Variants in ZBTB20 observed in about 807,000 individuals in gnomAD.
ZBTB20 encodes zinc finger and BTB domain-containing protein 20.
Under a neutral mutation model 56.9 loss-of-function variants are expected in ZBTB20, and 9 were observed. The ratio of observed to expected loss-of-function variants is 0.16; its 90% CI spans 0.10 to 0.28. ZBTB20 has a LOEUF of 0.28. ZBTB20 is among the 10% of genes least tolerant of loss of function. The pLI, the probability that ZBTB20 is intolerant of heterozygous loss-of-function variation, is 1.00. For missense variants in ZBTB20, 655 were observed against 1,003.0 expected (o/e 0.65, Z 4.69); for synonymous variants, 417 against 420.7 (o/e 0.99, Z 0.11).
At chr3:115,130,742 T>C (rs1336414399) in intron 1 of ZBTB20, among the ~76,000 whole-genome samples, 1 of 152,188 alleles carries the variant, frequency 6.6e-6, no homozygotes, top group African/African-American at 2.4e-5. Flanking sequence ...GCCATAATAT[T>C]TTAAATTATT....
chr3:115,113,797 T>C (rs1032376989), intron 1 of ZBTB20, among the ~76,000 whole-genome samples: 6 of 152,308 alleles, frequency 3.9e-5, no homozygotes, highest in South Asian at 2.1e-4. Context: ...ATAATACTTA[T>C]AGGCTCTGGA....
chr3:114,516,451 C>T (rs576842453), intron 6 of ZBTB20, among the ~76,000 whole-genome samples: 10 of 152,178 alleles, frequency 6.6e-5, no homozygotes, highest in South Asian at 6.2e-4. Flanking sequence ...TAAATCTATA[C>T]GTTATTTTGA....
chr3:115,065,679 A>G (rs2082181905), intron 2 of ZBTB20, among the ~76,000 whole-genome samples: 1 of 152,174 alleles, frequency 6.6e-6, no homozygotes, highest in South Asian at 2.1e-4. Flanking sequence ...ATAAAATCAT[A>G]GGGCTCTTAC....
chr3:114,319,650 C>G lies in ZBTB20; in HGVS notation c.*19355G>C, dbSNP rs1382585230. The G allele has an allele frequency of 6.6e-6, 1 of 152,092 alleles. No individual in the cohort carries two copies. Among genetic ancestry groups the G allele is most frequent in the Admixed American group, 6.5e-5 (1 of 15,274 alleles). The allele number at this position is 152,092 out of a possible 1,614,324, so 9.4% of individuals were successfully genotyped here. ...AGAGCTTCTTTAGCATATGCTGATA[C>G]CAATGAGTCACTGACAGTCCCCAGG... On this transcript the variant is annotated 3_prime_UTR_variant, in exon 12 of 12. Transcript: ENST00000675478.
At chr3:114,660,682 C>T (rs767351682) in intron 6 of ZBTB20, among the ~76,000 whole-genome samples, 8 of 152,066 alleles carry the variant, frequency 5.3e-5, no homozygotes, top group Non-Finnish European at 1.2e-4. Flanking sequence ...GGATAACAGC[C>T]TTTCAAAAAC....
rs548699004 is a variant in ZBTB20 at position 115,061,086 on chromosome 3, C to A, written c.-507+10133G>T. Among the ~76,000 whole-genome samples, 7 of 151,988 alleles carry A rather than the reference C, an allele frequency of 4.6e-5. No homozygotes were observed. The South Asian group carries it at 1.5e-3, about 32-fold the overall frequency. On this transcript the variant is annotated intron_variant, in intron 2 of 11. Transcript: ENST00000675478. ...AAGTTTAGACTTTGGAGCAAAAGTCCTTAGGTTTGGATTCCAGTTGTTCTG... is the reference window on the plus strand; with the variant it reads ...AAGTTTAGACTTTGGAGCAAAAGTCATTAGGTTTGGATTCCAGTTGTTCTG...
chr3:114,419,133 T>C (rs1260745194), intron 7 of ZBTB20: 1 of 152,152 alleles, frequency 6.6e-6, no homozygotes, highest in Non-Finnish European at 1.5e-5. Context: ...CATTGTGTAA[T>C]GTTGTCCTCA....
At chr3:114,494,533 C>T (rs1271076491) in intron 7 of ZBTB20, among the ~76,000 whole-genome samples, 2 of 152,202 alleles carry the variant, frequency 1.3e-5, no homozygotes, top group African/African-American at 2.4e-5. Context: ...CCTTATAATT[C>T]CCCATGGAGG....
chr3:114,977,464 T>C (rs1274633487), intron 2 of ZBTB20, among the ~76,000 whole-genome samples: 1 of 152,086 alleles, frequency 6.6e-6, no homozygotes, highest in Non-Finnish European at 1.5e-5. Flanking sequence ...GAGTTAAATA[T>C]AAGTGACAGT....
intron 6 of ZBTB20, among the ~76,000 whole-genome samples, chr3:114,681,197 TA>T (rs1310212455): frequency 1.3e-5 from 2 of 148,796 alleles, no homozygotes; most frequent in East Asian, 4.0e-4. Flanking sequence ...TCTCACTCCG[TA>T]ACCCAGATTG....
At chr3:114,599,606 T>C (rs547608923) in intron 6 of ZBTB20, among the ~76,000 whole-genome samples, 28 of 152,062 alleles carry the variant, frequency 1.8e-4, no homozygotes, top group Non-Finnish European at 3.5e-4. Flanking sequence ...ATAATGACAA[T>C]AATAATTTTT....
At chr3:114,696,641 G>A (rs916599581) in intron 5 of ZBTB20, among the ~76,000 whole-genome samples, 20 of 152,122 alleles carry the variant, frequency 1.3e-4, no homozygotes, top group African/African-American at 4.3e-4. Flanking sequence ...GTTCCCAGAG[G>A]ACACCAGTCA....
At chr3:114,349,322 T>C (rs901536695) in intron 11 of ZBTB20, among the ~76,000 whole-genome samples, 7 of 152,132 alleles carry the variant, frequency 4.6e-5, no homozygotes, top group South Asian at 2.1e-4. Flanking sequence ...TGGAGGCACA[T>C]CCATGGAATG....
intron 6 of ZBTB20, among the ~76,000 whole-genome samples, chr3:114,508,072 T>C (rs770005485): frequency 4.6e-5 from 7 of 152,168 alleles, no homozygotes; most frequent in Non-Finnish European, 8.8e-5. Flanking sequence ...TGAATATGTA[T>C]ATAAACTCAA....
intron 2 of ZBTB20, among the ~76,000 whole-genome samples, chr3:114,994,807 C>T (rs2078959639): frequency 6.6e-6 from 1 of 151,830 alleles, no homozygotes; most frequent in Non-Finnish European, 1.5e-5. Context: ...AGACATGACA[C>T]CATCAGGATG....
chr3:114,799,700 C>CAACAAT (rs1423848955), intron 5 of ZBTB20, among the ~76,000 whole-genome samples: 26 of 151,988 alleles, frequency 1.7e-4, no homozygotes, highest in Non-Finnish European at 2.1e-4. Flanking sequence ...GTAGTTATGA[C>CAACAAT]AACAATAACA....
intron 2 of ZBTB20, among the ~76,000 whole-genome samples, chr3:114,976,172 T>C (rs1229393970): frequency 2.6e-5 from 4 of 152,228 alleles, no homozygotes; most frequent in African/African-American, 4.8e-5. Flanking sequence ...AGACTTATAA[T>C]GTCATATAAT....
At position 115,126,869 on chromosome 3, in the gene ZBTB20, A is replaced by G. The variant is rs575779069; in HGVS notation, c.-703+20350T>C. On this transcript the variant is annotated intron_variant, in intron 1 of 11. Coordinates refer to ENST00000675478, the MANE Select transcript of ZBTB20 (RefSeq NM_001348800.3). ...TCACAGGTTATTTCTTTTGATTTAA[A>G]ATAACAAACGAATGAATGAATGAAA... 2.6e-5 allele frequency among the ~76,000 whole-genome samples: 4 copies of G among 152,280 alleles called. No individual in the cohort carries two copies. The South Asian group carries it at 8.3e-4, about 32-fold the overall frequency.
chr3:114,643,336 T>C (rs2059656279), intron 6 of ZBTB20, among the ~76,000 whole-genome samples: 2 of 152,094 alleles, frequency 1.3e-5, no homozygotes, highest in Admixed American at 1.3e-4. Context: ...ATTTTCTTCA[T>C]TTTCCATTGT....
Sources: allele counts gnomAD v4.1 joint callset (sites outside exome capture counted in the v4.1 genomes callset), GRCh38; gene constraint gnomAD v4.1.1; transcripts MANE v1.5; gene names NCBI Gene and HGNC (gene_info 2026-07-23, HGNC 2026-07-21).